The following GRIK1 variants were observed in gnomAD, a reference collection of about 807,000 sequenced individuals.
GRIK1 encodes glutamate ionotropic receptor kainate type subunit 1.
In GRIK1, 69 loss-of-function variants were observed where a neutral mutation model predicts 105.7. That is an observed-to-expected ratio of 0.65 (90% CI 0.54 to 0.80). The LOEUF (loss-of-function observed/expected upper bound fraction) is 0.80, where lower values mean the gene tolerates loss of function less well. Among genes scored for constraint, GRIK1 ranks in the 30% least tolerant of loss-of-function variants. The pLI, the probability that GRIK1 is intolerant of heterozygous loss-of-function variation, is 0.00. For synonymous variants in GRIK1, 438 were observed against 431.3 expected (o/e 1.02, Z -0.19); for missense variants, 1,109 against 1,167.3 (o/e 0.95, Z 0.73).
intron 4 of GRIK1, among the ~76,000 whole-genome samples, chr21:29,672,031 C>T (rs936958450): frequency 1.3e-5 from 2 of 150,804 alleles, no homozygotes; most frequent in Non-Finnish European, 3.0e-5. Flanking sequence ...CACCAGTCTG[C>T]GCTTTGTTTC....
intron 9 of GRIK1, chr21:29,596,067 A>G (rs1798869469): frequency 7.7e-6 from 2 of 259,498 alleles, no homozygotes; most frequent in African/African-American, 2.3e-5. Context: ...AATGGTTCAT[A>G]TTTTGTGGTG....
At position 29,803,048 on chromosome 21, in the gene GRIK1, G is replaced by GT. The variant is rs553876983; in HGVS notation, c.119-108986dup. On this transcript the variant is annotated intron_variant, in intron 1 of 17. Transcript: ENST00000327783. ...TGAAATTTTATTACATAATGCTGTAGTTTTTTTTCACACTCTAATGCTTGA... is the reference window on the plus strand; with the variant it reads ...TGAAATTTTATTACATAATGCTGTAGTTTTTTTTTCACACTCTAATGCTTGA... Among the ~76,000 whole-genome samples the GT allele has an allele frequency of 3.1e-3, 474 of 151,898 alleles. 5 individuals carry two copies. Among genetic ancestry groups the GT allele is most frequent in the African/African-American group, 0.011 (450 of 41,422 alleles).
intron 1 of GRIK1, among the ~76,000 whole-genome samples, chr21:29,793,162 A>G (rs538009478): frequency 1.5e-4 from 23 of 152,314 alleles, no homozygotes; most frequent in African/African-American, 5.5e-4. Flanking sequence ...CACACACACT[A>G]CATTGTTGAC....
At chr21:29,538,948 C>T (rs1444941482) in intron 16 of GRIK1, among the ~76,000 whole-genome samples, 3 of 151,958 alleles carry the variant, frequency 2.0e-5, no homozygotes, top group Non-Finnish European at 4.4e-5. Flanking sequence ...AAACTATTGG[C>T]CTATCAGATG....
intron 1 of GRIK1, among the ~76,000 whole-genome samples, chr21:29,842,269 C>G (rs2068004180): frequency 6.6e-6 from 1 of 151,934 alleles, no homozygotes; most frequent in African/African-American, 2.4e-5. Flanking sequence ...TACAGTTCAT[C>G]TCCCCGTTTC....
intron 14 of GRIK1, among the ~76,000 whole-genome samples, chr21:29,573,552 CA>C (rs2090808055): frequency 6.6e-6 from 1 of 151,790 alleles, no homozygotes; most frequent in Non-Finnish European, 1.5e-5. Flanking sequence ...CAGAAAAGAT[CA>C]AAGTGAACTT....
At chr21:29,919,606 T>G (rs1379314062) in intron 1 of GRIK1, among the ~76,000 whole-genome samples, 2 of 152,150 alleles carry the variant, frequency 1.3e-5, no homozygotes, top group Admixed American at 1.3e-4. Flanking sequence ...TAGCACTCCC[T>G]AAATGACTTA....
At chr21:29,665,100 T>C (rs755393014) in intron 4 of GRIK1, among the ~76,000 whole-genome samples, 10 of 152,318 alleles carry the variant, frequency 6.6e-5, no homozygotes, top group Non-Finnish European at 1.2e-4. Context: ...AGCATATGCA[T>C]ATATGGTTTT....
At chr21:29,540,108 A>G (rs1302875700) in intron 16 of GRIK1, among the ~76,000 whole-genome samples, 1 of 152,240 alleles carries the variant, frequency 6.6e-6, no homozygotes, top group Non-Finnish European at 1.5e-5. Context: ...ACACACACAG[A>G]GGAAGGTCTC....
chr21:29,577,641 A>G (rs1399662721), intron 13 of GRIK1, among the ~76,000 whole-genome samples: 1 of 152,254 alleles, frequency 6.6e-6, no homozygotes, highest in Non-Finnish European at 1.5e-5. Flanking sequence ...CATGCCATTT[A>G]TCACATATAC....
At chr21:29,704,886 T>C (rs1008126056) in intron 1 of GRIK1, among the ~76,000 whole-genome samples, 1 of 152,192 alleles carries the variant, frequency 6.6e-6, no homozygotes, top group Non-Finnish European at 1.5e-5. Context: ...ACCAGGAATA[T>C]TGCCAAAAAT....
intron 4 of GRIK1, among the ~76,000 whole-genome samples, chr21:29,668,817 A>G (rs939902116): frequency 6.6e-6 from 1 of 152,188 alleles, no homozygotes; most frequent in Non-Finnish European, 1.5e-5. Context: ...GAGGGTGTAT[A>G]TGAAGGATAA....
intron 1 of GRIK1, among the ~76,000 whole-genome samples, chr21:29,935,647 G>A (rs1028282923): frequency 1.3e-5 from 2 of 152,142 alleles, no homozygotes; most frequent in African/African-American, 4.8e-5. Flanking sequence ...TGTGAACAAT[G>A]ATATTGTCAC....
intron 1 of GRIK1, among the ~76,000 whole-genome samples, chr21:29,828,009 CTCTGTG>C (rs528668796): frequency 0.074 from 5,050 of 68,328 alleles, 203 homozygotes; most frequent in East Asian, 0.15. Context: ...CTCTGTCTCT[CTCTGTG>C]TGTGTGTGTG....
chr21:29,882,558 G>C (rs1198571111), intron 1 of GRIK1, among the ~76,000 whole-genome samples: 1 of 152,074 alleles, frequency 6.6e-6, no homozygotes, highest in African/African-American at 2.4e-5. Context: ...TTGACGCCTG[G>C]AAGAAGCAGC....
rs187482381 is a variant in GRIK1, at chr21:29,798,926, T to C, written c.119-104863A>G. ...TGTTTGGTGGAGGTAGGAGTGAAGA[T>C]TGGAGAGAGGCTGAGAGAGATCGAT... On this transcript the variant is annotated intron_variant, in intron 1 of 17. Transcript: ENST00000327783. Among the ~76,000 whole-genome samples the C allele has an allele frequency of 3.7e-3, 565 of 152,268 alleles. 1 individual carries two copies. Among genetic ancestry groups the C allele is most frequent in the African/African-American group, 0.012 (513 of 41,548 alleles).
At chr21:29,699,938 C>T (rs993350042) in intron 1 of GRIK1, among the ~76,000 whole-genome samples, 6 of 152,116 alleles carry the variant, frequency 3.9e-5, no homozygotes, top group Non-Finnish European at 5.9e-5. Flanking sequence ...CGTGAGCCAC[C>T]GTGCCCAGCC....
chr21:29,574,659 A>G (rs1049309061), intron 14 of GRIK1, among the ~76,000 whole-genome samples: 3 of 150,648 alleles, frequency 2.0e-5, no homozygotes, highest in Non-Finnish European at 4.4e-5. Flanking sequence ...TGCTTTACAC[A>G]TACATTAAAT....
rs1297627877 is a variant in GRIK1, at chr21:29,792,130, A to G, written c.119-98067T>C. 2.0e-5 allele frequency among the ~76,000 whole-genome samples: 3 copies of G among 152,150 alleles called. No homozygotes were observed. The East Asian group carries it at 5.8e-4, about 29-fold the overall frequency. On this transcript the variant is annotated intron_variant, in intron 1 of 17. Coordinates refer to ENST00000327783, the MANE Select transcript of GRIK1 (RefSeq NM_001330994.2). ...GTGTATATAGTATATATTAATAAAT[A>G]GTATATATGTCTATGTATTGTGTAT...
Sources: allele counts gnomAD v4.1 joint callset (sites outside exome capture counted in the v4.1 genomes callset), GRCh38; gene constraint gnomAD v4.1.1; transcripts MANE v1.5; gene names NCBI Gene and HGNC (gene_info 2026-07-23, HGNC 2026-07-21).